GPM6B: variants seen among roughly 807,000 people sequenced by gnomAD.
The protein encoded by GPM6B is neuronal membrane glycoprotein M6-b.
In GPM6B, 4 loss-of-function variants were observed where a neutral mutation model predicts 27.2. The ratio of observed to expected loss-of-function variants is 0.15; its 90% CI spans 0.07 to 0.34. The LOEUF is 0.34. GPM6B is among the 10% of genes least tolerant of loss of function. The probability of loss-of-function intolerance (pLI) is 1.00; values close to 1 mark genes in which losing one functional copy is unlikely to be tolerated. For missense variants in GPM6B, 183 were observed against 261.9 expected (o/e 0.70, Z 2.08); for synonymous variants, 124 against 103.1 (o/e 1.20, Z -1.23).
At chrX:13,852,053 A>G (rs752361626) in intron 1 of GPM6B, among the ~76,000 whole-genome samples, 1 of 111,378 alleles carries the variant, frequency 9.0e-6, no homozygotes, top group South Asian at 3.8e-4. Flanking sequence ...CAACACTGAT[A>G]TAAGCCATAA....
At chrX:13,858,293 T>C (rs1367501549) in intron 1 of GPM6B, among the ~76,000 whole-genome samples, 2 of 112,035 alleles carry the variant, frequency 1.8e-5, no homozygotes, top group Non-Finnish European at 3.8e-5. Flanking sequence ...CTGGATCTTC[T>C]GTTCGTTCCC....
chrX:13,796,186 A>G (rs2048812905), intron 2 of GPM6B, among the ~76,000 whole-genome samples: 1 of 111,419 alleles, frequency 9.0e-6, no homozygotes, highest in South Asian at 3.8e-4. Context: ...CGGCCTCCCA[A>G]AGTGCTGAGA....
At chrX:13,880,140 G>T (rs994086660) in intron 1 of GPM6B, among the ~76,000 whole-genome samples, 16 of 111,748 alleles carry the variant, frequency 1.4e-4, no homozygotes, top group Admixed American at 6.7e-4. Context: ...CATGTGCATG[G>T]TTATGTCATA....
At chrX:13,858,790 C>A (rs139806816) in intron 1 of GPM6B, among the ~76,000 whole-genome samples, 48 of 111,746 alleles carry the variant, frequency 4.3e-4, no homozygotes, top group African/African-American at 1.3e-3. Flanking sequence ...TACTCACCTG[C>A]GACACATATC....
chrX:13,795,864 T>C (rs1190439732), intron 2 of GPM6B, among the ~76,000 whole-genome samples: 1 of 109,376 alleles, frequency 9.1e-6, no homozygotes, highest in East Asian at 2.9e-4. Flanking sequence ...GTGATTCTCC[T>C]GCCTCAGCCT....
intron 1 of GPM6B, among the ~76,000 whole-genome samples, chrX:13,825,054 C>CT (rs1569238895): frequency 8.9e-6 from 1 of 112,012 alleles, no homozygotes; most frequent in Non-Finnish European, 1.9e-5. Context: ...TGTGTCTCTT[C>CT]TTATAAGGAC....
chrX:13,781,548 C>G (rs758188193), intron 4 of GPM6B, among the ~76,000 whole-genome samples: 148 of 111,493 alleles, frequency 1.3e-3, no homozygotes, highest in African/African-American at 4.7e-3. Context: ...TGTCTTTTCA[C>G]CAAGCCAGAC....
chrX:13,785,841 C>A lies in GPM6B; in HGVS notation c.182-33G>T, dbSNP rs5978663. 5 of 1,134,024 alleles carry A rather than the reference C, an allele frequency of 4.4e-6. No homozygotes were observed. In the African/African-American group the frequency reaches 7.3e-5, roughly 16 times the overall value. The allele number at this position is 1,134,024 out of a possible 1,213,427, so 93.5% of individuals were successfully genotyped here. ...CAAAGGAGAGAAAATATAGCCGTTACGGGCAAGAACACCTCTGGTCTTCAA... is the reference window on the plus strand; with the variant it reads ...CAAAGGAGAGAAAATATAGCCGTTAAGGGCAAGAACACCTCTGGTCTTCAA... On this transcript the variant is annotated intron_variant, in intron 2 of 7. Transcript: ENST00000316715.
chrX:13,819,060 CTTAAT>C (rs1398244444), upstream of GPM6B, among the ~76,000 whole-genome samples: 6 of 112,152 alleles, frequency 5.3e-5, no homozygotes, highest in Non-Finnish European at 9.4e-5. Context: ...GAAAGACATT[CTTAAT>C]TTAAGAACAA....
chrX:13,890,919 A>G (rs1481673187), intron 1 of GPM6B, among the ~76,000 whole-genome samples: 1 of 111,047 alleles, frequency 9.0e-6, no homozygotes, highest in Non-Finnish European at 1.9e-5. Context: ...TATAACCACA[A>G]TGGTGCATAT....
chrX:13,795,394 C>A (rs2048790862), intron 2 of GPM6B, among the ~76,000 whole-genome samples: 1 of 111,689 alleles, frequency 9.0e-6, no homozygotes, highest in Non-Finnish European at 1.9e-5. Flanking sequence ...GGAAGAATTT[C>A]ATAATTATCT....
chrX:13,838,468 G>C (rs1225880590), intron 1 of GPM6B, among the ~76,000 whole-genome samples: 2 of 112,536 alleles, frequency 1.8e-5, no homozygotes, highest in Non-Finnish European at 3.8e-5. Flanking sequence ...TTCTTTGAAA[G>C]GGCTCTGAGC....
At chrX:13,837,763 A>G (rs904652759) in intron 1 of GPM6B, among the ~76,000 whole-genome samples, 7 of 47,463 alleles carry the variant, frequency 1.5e-4, no homozygotes, top group African/African-American at 3.7e-4. Context: ...GCTTAGCAAC[A>G]GTGTCTGAAA....
At chrX:13,889,025 C>G (rs1244507714) in intron 1 of GPM6B, 3 of 111,543 alleles carry the variant, frequency 2.7e-5, no homozygotes, top group Non-Finnish European at 5.6e-5. Context: ...AGGAGTTACA[C>G]GGTGGTTTTC....
intron 1 of GPM6B, among the ~76,000 whole-genome samples, chrX:13,865,686 G>T (rs759036638): frequency 9.3e-6 from 1 of 108,108 alleles, no homozygotes; most frequent in East Asian, 2.9e-4. Context: ...GAGTCCAAGA[G>T]GTCAAGGCTG....
At chrX:13,861,144 C>CAT (rs527260240) in intron 1 of GPM6B, among the ~76,000 whole-genome samples, 1 of 107,323 alleles carries the variant, frequency 9.3e-6, no homozygotes, top group East Asian at 2.9e-4. Flanking sequence ...ATATAATATA[C>CAT]ATATATACAT....
intron 1 of GPM6B, among the ~76,000 whole-genome samples, chrX:13,852,728 C>G (rs2049732448): frequency 9.3e-6 from 1 of 107,399 alleles, no homozygotes; most frequent in Non-Finnish European, 1.9e-5. Context: ...AGTTTCTGGT[C>G]TTTTGCTATT....
At chrX:13,825,827 G>A (rs1246834308) in intron 1 of GPM6B, among the ~76,000 whole-genome samples, 1 of 111,832 alleles carries the variant, frequency 8.9e-6, no homozygotes, top group Non-Finnish European at 1.9e-5. Flanking sequence ...AGGCAGTGAC[G>A]GCCACTGAAA....
intron 2 of GPM6B, among the ~76,000 whole-genome samples, chrX:13,790,887 C>T (rs893664816): frequency 5.4e-5 from 6 of 110,932 alleles, no homozygotes; most frequent in Non-Finnish European, 1.1e-4. Flanking sequence ...CAACCACCCC[C>T]TAAAGTGCTG....
Sources: gnomAD v4.1 joint callset for allele counts (sites outside exome capture counted in the v4.1 genomes callset) on GRCh38, gnomAD v4.1.1 for gene constraint, MANE v1.5 for transcripts, NCBI Gene and HGNC (gene_info 2026-07-23, HGNC 2026-07-21) for gene names.